The following KANK4 variants were observed in gnomAD, a reference collection of about 807,000 sequenced individuals.
The protein encoded by KANK4 is KN motif and ankyrin repeat domain-containing protein 4.
KANK4 carries 50 observed loss-of-function variants against 80.8 expected under a neutral mutation model. The observed-to-expected ratio is 0.62, with a 90% CI of 0.49 to 0.78. The LOEUF is 0.78. Ranked by LOEUF, KANK4 falls within the 30% of genes least tolerant of loss-of-function variation. The pLI is 0.00. For synonymous variants in KANK4, 465 were observed against 506.9 expected, an observed-to-expected ratio of 0.92 and a Z score of 1.11; for missense variants, 1,196 against 1,240.1, an observed-to-expected ratio of 0.96 and a Z score of 0.53.
In KANK4 at chr1:62,273,912, A is replaced by T. The variant is rs1672237165; in HGVS notation, c.1192T>A (p.Phe398Ile). The T allele has an allele frequency of 6.2e-7, 1 of 1,613,994 alleles. No homozygotes were observed. The highest frequency in any genetic ancestry group is 8.5e-7 in the Non-Finnish European group (1 of 1,179,996). The change falls in exon 3 of 10, where the codon TTT (phenylalanine) becomes ATT (isoleucine). Residue 398 changes from phenylalanine to isoleucine, a missense_variant. Transcript: ENST00000371153. ...GTGTCTTTGGCGTTCTCTTGGTGAA[A>T]CTGTCCTTCCAGTTGGGCTACAGTG... ...EFTVAQLEGQ[F>I]HQENAKDTQG...
intron 9 of KANK4, among the ~76,000 whole-genome samples, chr1:62,240,293 T>G (rs1671306169): frequency 1.3e-5 from 2 of 152,230 alleles, no homozygotes; most frequent in South Asian, 2.1e-4. Flanking sequence ...TCATGTGTCT[T>G]TTGGCTGCAT....
At chr1:62,246,234 T>G (rs2149117451) in intron 9 of KANK4, among the ~76,000 whole-genome samples, 1 of 152,300 alleles carries the variant, frequency 6.6e-6, no homozygotes, top group Admixed American at 6.5e-5. Context: ...GCCGTCACCT[T>G]ACGAGGAAGT....
In KANK4 at chr1:62,236,878, G is replaced by A. The variant is rs1391003089; in HGVS notation, c.*1399C>T. ...CCCAAAGTGCTGGGATTACAGGCGT[G>A]AACCACCGCGCTCGGCCACAAATTG... is the stretch of plus-strand genomic sequence containing the variant. On this transcript the variant is annotated 3_prime_UTR_variant, in exon 10 of 10. Coordinates refer to ENST00000371153, the MANE Select transcript of KANK4 (RefSeq NM_181712.5). 1 of 152,134 alleles carries A rather than the reference G, an allele frequency of 6.6e-6. No homozygotes were observed. The highest frequency in any genetic ancestry group is 1.9e-4 in the East Asian group (1 of 5,180). 9.4% of individuals were successfully genotyped at this position (152,134 alleles called of 1,614,324 possible).
intron 1 of KANK4, among the ~76,000 whole-genome samples, chr1:62,305,180 C>G (rs558179540): frequency 1.4e-3 from 218 of 152,344 alleles, no homozygotes; most frequent in African/African-American, 5.1e-3. Flanking sequence ...CAGGCCAAAG[C>G]CTTCCTATCA....
chr1:62,277,417 C>T (rs540001554), intron 2 of KANK4, among the ~76,000 whole-genome samples: 1 of 152,278 alleles, frequency 6.6e-6, no homozygotes, highest in Admixed American at 6.5e-5. Context: ...CCCCTTTGGA[C>T]AAGCAAGCTT....
chr1:62,250,847 C>T (rs1362343428), intron 8 of KANK4, among the ~76,000 whole-genome samples: 1 of 152,172 alleles, frequency 6.6e-6, no homozygotes, highest in Non-Finnish European at 1.5e-5. Flanking sequence ...GGCTTCTGGC[C>T]GTCACTAGGG....
intron 8 of KANK4, among the ~76,000 whole-genome samples, chr1:62,249,611 C>T (rs1054984560): frequency 8.7e-5 from 13 of 149,228 alleles, no homozygotes; most frequent in Non-Finnish European, 1.6e-4. Flanking sequence ...GGTGCAATCT[C>T]GGCTCACTGC....
At chr1:62,249,028 G>A (rs1671542337) in intron 8 of KANK4, among the ~76,000 whole-genome samples, 1 of 149,096 alleles carries the variant, frequency 6.7e-6, no homozygotes, top group Non-Finnish European at 1.5e-5. Flanking sequence ...ACAAAAATTA[G>A]CTAGGTATGG....
Position 62,273,893 on chromosome 1 carries a change from T to C in KANK4, c.1211A>G (p.Lys404Arg), listed in dbSNP as rs773015460. The C allele has an allele frequency of 1.2e-6, 2 of 1,614,220 alleles. No homozygotes were observed. The highest frequency in any genetic ancestry group is 1.3e-5 in the African/African-American group (1 of 75,050). Reference protein sequence around the residue: ...LEGQFHQENAKDTQGQTDVMV... With the variant: ...LEGQFHQENARDTQGQTDVMV... ...CACGTCCGTCTGGCCCTGAGTGTCT[T>C]TGGCGTTCTCTTGGTGAAACTGTCC... Residue 404 changes from lysine (K) to arginine (R), a missense_variant, in exon 3 of 10, where the codon AAA (lysine) becomes AGA (arginine). Coordinates refer to ENST00000371153, the MANE Select transcript of KANK4 (RefSeq NM_181712.5).
At position 62,263,265 on chromosome 1, in the gene KANK4, C is replaced by T; in HGVS notation, c.2366G>A (p.Ser789Asn). 1 of 1,613,386 alleles carries T rather than the reference C, an allele frequency of 6.2e-7. No individual in the cohort carries two copies. The highest frequency in any genetic ancestry group is 8.5e-7 in the Non-Finnish European group (1 of 1,179,792). ...TISQEWFRVSSRKSSSPAVVA... is the reference protein window; with the variant it reads ...TISQEWFRVSNRKSSSPAVVA... Reference sequence around the variant, plus strand: ...CACGGCGGGGCTAGACGACTTCCGGCTGGAGACGCGGAACCACTCTTGACT... The same window carrying T: ...CACGGCGGGGCTAGACGACTTCCGGTTGGAGACGCGGAACCACTCTTGACT... Residue 789 changes from serine (S) to asparagine (N), a missense_variant, in exon 7 of 10, where the codon AGC becomes AAC. By Grantham distance (46) the Ser-to-Asn change is conservative. This residue lies in a region of KANK4 where 1,154 missense variants were observed against 1,179.6 expected (regional missense o/e 0.98). Coordinates refer to ENST00000371153, the MANE Select transcript of KANK4 (RefSeq NM_181712.5).
chr1:62,248,675 G>C (rs1460772023), intron 8 of KANK4, among the ~76,000 whole-genome samples: 1 of 151,556 alleles, frequency 6.6e-6, no homozygotes, highest in African/African-American at 2.4e-5. Flanking sequence ...CGCCCAAGTA[G>C]CTGGGATTAC....
chr1:62,258,943 C>T (rs562955940), intron 7 of KANK4, among the ~76,000 whole-genome samples: 1 of 152,082 alleles, frequency 6.6e-6, no homozygotes, highest in African/African-American at 2.4e-5. Flanking sequence ...TACAAAAATC[C>T]CAGGAGGGAA....
rs1193560899 is a variant in KANK4 at position 62,278,384 on chromosome 1, TC to T, written c.16+3164del. Among the ~76,000 whole-genome samples the T allele has an allele frequency of 9.2e-5, 4 of 43,258 alleles. 1 individual carries two copies. Among genetic ancestry groups the T allele is most frequent in the African/African-American group, 2.2e-4 (1 of 4,634 alleles). The allele number at this position is 43,258 out of a possible 152,430, so 28.4% of individuals were successfully genotyped here. On this transcript the variant is annotated intron_variant, in intron 2 of 9. Coordinates refer to ENST00000371153, the MANE Select transcript of KANK4 (RefSeq NM_181712.5). ...TCCTTCCTTCCTTCCTTCCTTTCTT[TC>T]TTTCTTTCTTTCTTTTTTTTTTTTG...
chr1:62,289,327 T>A (rs536541941), intron 1 of KANK4, among the ~76,000 whole-genome samples: 4 of 152,300 alleles, frequency 2.6e-5, no homozygotes, highest in African/African-American at 4.8e-5. Flanking sequence ...AAGATTTGAA[T>A]CCATGTTTTT....
chr1:62,271,673 C>G (rs1672167139), intron 3 of KANK4, 84 bp from the exon 4 acceptor site: 3 of 1,002,188 alleles, frequency 3.0e-6, no homozygotes, highest in Non-Finnish European at 3.2e-6. Flanking sequence ...TTTGAGGGGA[C>G]AAGGGTTGCA....
chr1:62,262,575 T>TA (rs999391495), intron 7 of KANK4, among the ~76,000 whole-genome samples: 2 of 151,900 alleles, frequency 1.3e-5, no homozygotes, highest in African/African-American at 2.4e-5. Flanking sequence ...GTTATATATA[T>TA]AAAAAATAAA....
At chr1:62,240,348 T>C (rs11207941) in intron 9 of KANK4, among the ~76,000 whole-genome samples, 42,386 of 152,196 alleles carry the variant, frequency 0.28, 6,824 homozygotes, top group Non-Finnish European at 0.36. Flanking sequence ...CTTTGCCCAC[T>C]TTACAAGAAA....
chr1:62,299,288 T>C (rs1557505713), intron 1 of KANK4, among the ~76,000 whole-genome samples: 1 of 152,164 alleles, frequency 6.6e-6, no homozygotes, highest in Non-Finnish European at 1.5e-5. Flanking sequence ...CTCAAAGTCC[T>C]GGCTCAAGTG....
intron 2 of KANK4, among the ~76,000 whole-genome samples, 174 bp downstream of exon 2, chr1:62,281,375 G>A (rs1446695198): frequency 6.6e-6 from 1 of 152,160 alleles, no homozygotes; most frequent in Non-Finnish European, 1.5e-5. Context: ...TCTTTCCTAG[G>A]CTAGGGCTGG....
Sources: allele counts gnomAD v4.1 joint callset (sites outside exome capture counted in the v4.1 genomes callset), GRCh38; gene constraint gnomAD v4.1.1; regional missense constraint gnomAD v4.1.1; transcripts MANE v1.5; gene names NCBI Gene and HGNC (gene_info 2026-07-23, HGNC 2026-07-21).